Variants in TEX36 observed in about 807,000 individuals in gnomAD.
The protein encoded by TEX36 is testis expressed 36.
TEX36 carries 12 observed loss-of-function variants against 13.6 expected under a neutral mutation model. The observed-to-expected ratio is 0.88, with a 90% CI of 0.56 to 1.43. TEX36 has a LOEUF of 1.43. Ranked by LOEUF, TEX36 falls within the 40% of genes most tolerant of loss-of-function variation. The pLI is 0.00. For missense variants in TEX36, 224 were observed against 228.3 expected, an observed-to-expected ratio of 0.98 and a Z score of 0.12; for synonymous variants, 93 against 83.0, an observed-to-expected ratio of 1.12 and a Z score of -0.65.
chr10:125,618,443 G>C (rs1219419993), downstream of TEX36, among the ~76,000 whole-genome samples: 1 of 152,116 alleles, frequency 6.6e-6, no homozygotes, highest in African/African-American at 2.4e-5. Context: ...CTTTGATGAT[G>C]GTGATGTTCA....
At chr10:125,623,374 C>G (rs1846450143) in intron 3 of TEX36, among the ~76,000 whole-genome samples, 1 of 152,132 alleles carries the variant, frequency 6.6e-6, no homozygotes, top group Non-Finnish European at 1.5e-5. Flanking sequence ...CAACACCCTC[C>G]AAGACACACC....
intron 3 of TEX36, among the ~76,000 whole-genome samples, chr10:125,623,713 A>G (rs1162697093): frequency 6.6e-6 from 1 of 152,168 alleles, no homozygotes; most frequent in Non-Finnish European, 1.5e-5. Context: ...TGAGAAAGGC[A>G]CTTTATTCGA....
At chr10:125,674,613 C>T (rs1438421514) in intron 1 of TEX36, among the ~76,000 whole-genome samples, 1 of 152,192 alleles carries the variant, frequency 6.6e-6, no homozygotes, top group Admixed American at 6.5e-5. Context: ...TTTACAGGGA[C>T]TTTTTTGTTG....
intron 3 of TEX36, among the ~76,000 whole-genome samples, chr10:125,649,823 CA>C (rs1299467507): frequency 1.3e-5 from 2 of 151,240 alleles, no homozygotes; most frequent in South Asian, 2.1e-4. Context: ...AAATGGAAAA[CA>C]AAAAAAAGCA....
intron 3 of TEX36, among the ~76,000 whole-genome samples, chr10:125,660,239 C>G (rs1847012391): frequency 6.6e-6 from 1 of 152,116 alleles, no homozygotes; most frequent in African/African-American, 2.4e-5. Context: ...AACCTCCCAC[C>G]TCAATCTTTT....
At chr10:125,576,873 T>C (rs1255837682) in exon 4 of TEX36, 6 of 1,536,024 alleles carry the variant, frequency 3.9e-6, no homozygotes, top group African/African-American at 2.7e-5. Flanking sequence ...TGTCATTCTT[T>C]CCTGTGAGGA....
intron 3 of TEX36, among the ~76,000 whole-genome samples, chr10:125,637,030 G>A (rs181522033): frequency 5.9e-5 from 9 of 152,140 alleles, no homozygotes; most frequent in South Asian, 2.1e-4. Flanking sequence ...GGCCTGGTGC[G>A]GTGGCTTATG....
intron 3 of TEX36, among the ~76,000 whole-genome samples, chr10:125,627,052 G>C (rs551023967): frequency 6.6e-6 from 1 of 152,338 alleles, no homozygotes; most frequent in African/African-American, 2.4e-5. Flanking sequence ...TCAAGCACTG[G>C]ATTAATTTAA....
intron 3 of TEX36, among the ~76,000 whole-genome samples, chr10:125,649,512 G>A (rs942256468): frequency 5.9e-5 from 9 of 152,126 alleles, no homozygotes; most frequent in African/African-American, 1.2e-4. Context: ...CGCTAAACAT[G>A]GAAAGGAACA....
chr10:125,666,309 A>G (rs1847120785), intron 1 of TEX36, among the ~76,000 whole-genome samples: 1 of 152,218 alleles, frequency 6.6e-6, no homozygotes, highest in Non-Finnish European at 1.5e-5. Context: ...ACTTTACTCC[A>G]TTCAGTATGA....
intron 3 of TEX36, among the ~76,000 whole-genome samples, chr10:125,647,395 G>A (rs1234512334): frequency 6.6e-6 from 1 of 152,184 alleles, no homozygotes; most frequent in African/African-American, 2.4e-5. Flanking sequence ...GGAAATTGTG[G>A]ATATAAGCGG....
intron 3 of TEX36, among the ~76,000 whole-genome samples, chr10:125,609,687 T>C (rs903527602): frequency 3.3e-5 from 5 of 152,186 alleles, no homozygotes; most frequent in Non-Finnish European, 5.9e-5. Context: ...ATTTGCCCTG[T>C]TTATATGAGC....
chr10:125,635,382 T>C (rs1041595740), intron 3 of TEX36, among the ~76,000 whole-genome samples: 8 of 152,206 alleles, frequency 5.3e-5, no homozygotes, highest in African/African-American at 1.9e-4. Context: ...TATAAGGATA[T>C]GAAAACTAAG....
downstream of TEX36, among the ~76,000 whole-genome samples, chr10:125,654,721 GA>G (rs2133588627): frequency 6.6e-6 from 1 of 152,260 alleles, no homozygotes; most frequent in East Asian, 1.9e-4. Context: ...TGCAAAATAA[GA>G]AAATAACAAG....
intron 3 of TEX36, among the ~76,000 whole-genome samples, chr10:125,579,465 GGGATTACAATTT>G (rs912408905): frequency 2.0e-5 from 3 of 152,234 alleles, no homozygotes; most frequent in South Asian, 4.2e-4. Flanking sequence ...CCAACACGTG[GGGATTACAATTT>G]GGATTACAAT....
intron 3 of TEX36, among the ~76,000 whole-genome samples, chr10:125,595,286 A>AC (rs143990405): frequency 0.018 from 2,721 of 151,394 alleles, 69 homozygotes; most frequent in African/African-American, 0.059. Flanking sequence ...CATAAAAATC[A>AC]CCCCCCCACC....
At chr10:125,651,873 C>A (rs777492959), downstream of TEX36, among the ~76,000 whole-genome samples, 1 of 152,178 alleles carries the variant, frequency 6.6e-6, no homozygotes, top group Non-Finnish European at 1.5e-5. Context: ...TGAGCCAAAT[C>A]ATGAGTGAAC....
chr10:125,618,431 G>A (rs544340891), downstream of TEX36, among the ~76,000 whole-genome samples: 2 of 152,110 alleles, frequency 1.3e-5, no homozygotes, highest in South Asian at 4.1e-4. Flanking sequence ...TCTACTTTTG[G>A]TCTTTGATGA....
At chr10:125,616,580 T>G (rs1327795560) in intron 3 of TEX36, among the ~76,000 whole-genome samples, 1 of 98,846 alleles carries the variant, frequency 1.0e-5, no homozygotes, top group South Asian at 4.3e-4. Context: ...TCAGTTTCCA[T>G]GTAGTTGAGC....
Sources: gnomAD v4.1 joint callset for allele counts (sites outside exome capture counted in the v4.1 genomes callset) on GRCh38, gnomAD v4.1.1 for gene constraint, MANE v1.5 for transcripts, NCBI Gene and HGNC (gene_info 2026-07-23, HGNC 2026-07-21) for gene names.